The following BMP2K variants were observed in gnomAD, a reference collection of about 807,000 sequenced individuals.
The protein encoded by BMP2K is BMP-2-inducible protein kinase.
In BMP2K, 74 loss-of-function variants were observed where a neutral mutation model predicts 116.0. The ratio of observed to expected loss-of-function variants is 0.64; its 90% CI spans 0.53 to 0.77. BMP2K has a LOEUF of 0.77. BMP2K is among the 30% of genes least tolerant of loss of function. The pLI is 0.00. For missense variants in BMP2K, 1,365 were observed against 1,403.6 expected, an observed-to-expected ratio of 0.97 and a Z score of 0.44; for synonymous variants, 486 against 502.5, an observed-to-expected ratio of 0.97 and a Z score of 0.44.
Position 78,911,356 on chromosome 4 carries a change from T to A in BMP2K, c.2809T>A (p.Phe937Ile). Residue 937 changes from phenylalanine (F) to isoleucine (I), a missense_variant, in exon 16 of 16, where the codon TTT (phenylalanine) becomes ATT (isoleucine). Physicochemically the swap from Phe to Ile is conservative, Grantham distance 21. Around this residue, in one of 3 missense-constraint regions of BMP2K, gnomAD observed 596 missense variants for 623.2 expected, o/e 0.96. Transcript: ENST00000502613. Reference protein sequence around the residue: ...KSVDVFGSTPFQPFLTSTSKS... With the variant: ...KSVDVFGSTPIQPFLTSTSKS... ...TGTAGATGTATTTGGCTCCACTCCA[T>A]TTCAGCCCTTCCTCACATCAACAAG... 1 of 1,613,656 alleles carries A rather than the reference T, an allele frequency of 6.2e-7. No individual in the cohort carries two copies. The highest frequency in any genetic ancestry group is 1.1e-5 in the South Asian group (1 of 91,050).
Position 78,879,243 on chromosome 4 carries a change from C to A in BMP2K, c.1951+352C>A, listed in dbSNP as rs1011989678. 3.9e-6 allele frequency: 4 copies of A among 1,019,886 alleles called. No individual in the cohort carries two copies. In the African/African-American group the frequency reaches 5.2e-5, roughly 13 times the overall value. The allele number at this position is 1,019,886 out of a possible 1,614,324, so 63.2% of individuals were successfully genotyped here. ...TTATTTTGCCTTACTAATGATTTTGCAGCTCTGTTTTTCTGCACACTCAAT... is the reference window on the plus strand; with the variant it reads ...TTATTTTGCCTTACTAATGATTTTGAAGCTCTGTTTTTCTGCACACTCAAT... On this transcript the variant is annotated intron_variant, in intron 14 of 15. Coordinates refer to ENST00000502613, the MANE Select transcript of BMP2K (RefSeq NM_198892.2).
At chr4:78,827,053 G>A (rs1241898887) in intron 2 of BMP2K, among the ~76,000 whole-genome samples, 1 of 152,124 alleles carries the variant, frequency 6.6e-6, no homozygotes, top group Non-Finnish European at 1.5e-5. Context: ...AAAAGTTATG[G>A]TTACAGTTTT....
chr4:78,838,663 T>G (rs1010410568), intron 3 of BMP2K, among the ~76,000 whole-genome samples: 1 of 152,256 alleles, frequency 6.6e-6, no homozygotes, highest in Non-Finnish European at 1.5e-5. Flanking sequence ...GGTATTTTAG[T>G]AAGGGAACCT....
At chr4:78,883,742 G>A (rs975932417) in intron 14 of BMP2K, among the ~76,000 whole-genome samples, 5 of 152,028 alleles carry the variant, frequency 3.3e-5, no homozygotes, top group African/African-American at 1.2e-4. Context: ...TTATAAGCTG[G>A]GACTCATTAT....
chr4:78,779,079 CGTCT>C (rs374519371), intron 1 of BMP2K, among the ~76,000 whole-genome samples: 286 of 152,174 alleles, frequency 1.9e-3, no homozygotes, highest in African/African-American at 6.6e-3. Flanking sequence ...TAAATCCGTC[CGTCT>C]CTCTGTTGTT....
chr4:78,882,552 A>G (rs1302699455), intron 14 of BMP2K, among the ~76,000 whole-genome samples: 3 of 151,766 alleles, frequency 2.0e-5, no homozygotes, highest in Non-Finnish European at 4.4e-5. Flanking sequence ...TAATATGACA[A>G]TTTAAAATTG....
At position 78,776,735 on chromosome 4, in the gene BMP2K, G is replaced by A. The variant is rs2109908250; in HGVS notation, c.178+14G>A. ...CGCTGGCCGAAGGTACGGGCGCCCG[G>A]GGAGGCTCGGACAGGCAGGTGAGGG... On this transcript the variant is annotated intron_variant, in intron 1 of 15. Transcript: ENST00000502613. The A allele has an allele frequency of 3.2e-6, 4 of 1,264,222 alleles. No individual in the cohort carries two copies. The highest frequency in any genetic ancestry group is 3.1e-4 in the Middle Eastern group (1 of 3,226). The allele number at this position is 1,264,222 out of a possible 1,614,324, so 78.3% of individuals were successfully genotyped here. A position where few individuals can be genotyped will look rare whatever the true frequency, so the allele number is the denominator to read the frequency against.
At chr4:78,779,877 A>G (rs977246773) in intron 1 of BMP2K, among the ~76,000 whole-genome samples, 3 of 152,156 alleles carry the variant, frequency 2.0e-5, no homozygotes, top group Non-Finnish European at 2.9e-5. Flanking sequence ...TTCCTCCTCA[A>G]AGTTTAAAGG....
At chr4:78,795,229 G>A (rs1175523140) in intron 1 of BMP2K, among the ~76,000 whole-genome samples, 2 of 152,020 alleles carry the variant, frequency 1.3e-5, no homozygotes, top group Non-Finnish European at 2.9e-5. Context: ...TCACACATAC[G>A]GTGTCCCATT....
chr4:78,794,191 A>G (rs114213841), intron 1 of BMP2K, among the ~76,000 whole-genome samples: 15 of 152,162 alleles, frequency 9.9e-5, no homozygotes, highest in African/African-American at 2.6e-4. Context: ...CTGGGGGGGA[A>G]TCCCTTTCTG....
chr4:78,825,711 T>TC, intron 1 of BMP2K, among the ~76,000 whole-genome samples: 2 of 152,348 alleles, frequency 1.3e-5, no homozygotes, highest in South Asian at 4.1e-4. Flanking sequence ...ATGTAGGCAG[T>TC]CACTTGTATA....
At chr4:78,851,429 C>CA (rs1295908390) in intron 7 of BMP2K, among the ~76,000 whole-genome samples, 1 of 151,886 alleles carries the variant, frequency 6.6e-6, no homozygotes, top group Non-Finnish European at 1.5e-5. Context: ...TATATATCTA[C>CA]AAGGCAAAAT....
chr4:78,899,626 A>G (rs1362975150), intron 15 of BMP2K, among the ~76,000 whole-genome samples: 1 of 152,030 alleles, frequency 6.6e-6, no homozygotes, highest in Admixed American at 6.6e-5. Flanking sequence ...CCATAGAAAC[A>G]GGAGAAGTAC....
chr4:78,861,870 T>C (rs1731812397), intron 9 of BMP2K, among the ~76,000 whole-genome samples: 1 of 151,980 alleles, frequency 6.6e-6, no homozygotes, highest in African/African-American at 2.4e-5. Context: ...ATAGAATATG[T>C]ATGTACTTTG....
At chr4:78,908,850 C>T (rs1439275017) in intron 15 of BMP2K, among the ~76,000 whole-genome samples, 1 of 152,048 alleles carries the variant, frequency 6.6e-6, no homozygotes, top group African/African-American at 2.4e-5. Flanking sequence ...ATAATAATCA[C>T]ATCAGGGTAA....
chr4:78,798,695 G>A (rs1272430516), intron 1 of BMP2K, among the ~76,000 whole-genome samples: 1 of 152,148 alleles, frequency 6.6e-6, no homozygotes, highest in Non-Finnish European at 1.5e-5. Flanking sequence ...GTCCTTTTAA[G>A]TGAAATATAT....
chr4:78,829,783 T>TTCTTTTCTTTTCTCTTTTC (rs1553915833), intron 2 of BMP2K, among the ~76,000 whole-genome samples: 2 of 110,760 alleles, frequency 1.8e-5, no homozygotes, highest in Non-Finnish European at 3.5e-5. Context: ...TTCTTTTCTT[T>TTCTTTTCTTTTCTCTTTTC]TCTTTTCTCT....
At position 78,911,264 on chromosome 4, in the gene BMP2K, A is replaced by G. The variant is rs1734579870; in HGVS notation, c.2717A>G (p.Lys906Arg). 1.2e-6 allele frequency: 2 copies of G among 1,613,914 alleles called. No individual in the cohort carries two copies. Among genetic ancestry groups the G allele is most frequent in the African/African-American group, 2.7e-5 (2 of 74,956 alleles). ...TTCACAAAGGCGCCTTTTAGCAAGA[A>G]GGTGAATGTACAAGAATGCCATGCA... ...DVFTKAPFSK[K>R]VNVQECHAVG... The change falls in exon 16 of 16, where the codon AAG (lysine) becomes AGG (arginine). Residue 906 changes from lysine (K) to arginine (R), a missense_variant. Physicochemically the swap from Lys to Arg is conservative, Grantham distance 26 (BLOSUM62 2). Coordinates refer to ENST00000502613, the MANE Select transcript of BMP2K (RefSeq NM_198892.2).
chr4:78,777,997 T>C (rs1321137619), intron 1 of BMP2K, among the ~76,000 whole-genome samples: 1 of 152,232 alleles, frequency 6.6e-6, no homozygotes, highest in Non-Finnish European at 1.5e-5. Context: ...GAGTGGTCTT[T>C]ATAAAAGATT....
Sources: gnomAD v4.1 joint callset for allele counts (sites outside exome capture counted in the v4.1 genomes callset) on GRCh38, gnomAD v4.1.1 for gene constraint, gnomAD v4.1.1 regional missense constraint, MANE v1.5 for transcripts, NCBI Gene and HGNC (gene_info 2026-07-23, HGNC 2026-07-21) for gene names.